Variants in PRDM16 observed in about 807,000 individuals in gnomAD.
PRDM16 encodes PR/SET domain 16.
PRDM16 carries 23 observed loss-of-function variants against 110.6 expected under a neutral mutation model. The ratio of observed to expected loss-of-function variants is 0.21; its 90% CI spans 0.15 to 0.29. The LOEUF is 0.29. Ranked by LOEUF, PRDM16 falls within the 10% of genes least tolerant of loss-of-function variation. The pLI, the probability that PRDM16 is intolerant of heterozygous loss-of-function variation, is 1.00. For synonymous variants in PRDM16, 799 were observed against 781.8 expected (o/e 1.02, Z -0.37); for missense variants, 1,615 against 1,794.3 (o/e 0.90, Z 1.81).
intron 1 of PRDM16, among the ~76,000 whole-genome samples, chr1:3,112,305 C>T (rs974518204): frequency 6.6e-6 from 1 of 152,206 alleles, no homozygotes; most frequent in Admixed American, 6.5e-5. Context: ...CCCAAATTCC[C>T]ACTTATACGA....
At chr1:3,291,142 C>A (rs575946388) in intron 3 of PRDM16, among the ~76,000 whole-genome samples, 9 of 152,020 alleles carry the variant, frequency 5.9e-5, no homozygotes, top group Admixed American at 5.2e-4. Context: ...TGAGGCAGGG[C>A]GTGGACCAGG....
At position 3,411,647 on chromosome 1, in the gene PRDM16, G is replaced by A. The variant is rs1643688173; in HGVS notation, c.1450G>A (p.Gly484Ser). The change falls in exon 9 of 17, where the codon GGC becomes AGC. Residue 484 changes from glycine to serine, a missense_variant. By Grantham distance (56) the Gly-to-Ser change is moderately conservative. Transcript: ENST00000270722. ...CCCCAGCCTCAATCACGCCAGCCTG[G>A]GCTTCAACGAGTACTTTCCCTCCAG... The part of the protein sequence containing the change: ...PSPSLNHASL[G>S]FNEYFPSRPH... 2 of 1,613,706 alleles carry A rather than the reference G, an allele frequency of 1.2e-6. No individual in the cohort carries two copies. The highest frequency in any genetic ancestry group is 8.5e-7 in the Non-Finnish European group (1 of 1,179,792).
rs527818835 is a variant in PRDM16, at chr1:3,231,079, C to T, written c.388-13008C>T. On this transcript the variant is annotated intron_variant, in intron 2 of 16. Coordinates refer to ENST00000270722, the MANE Select transcript of PRDM16 (RefSeq NM_022114.4). ...GAGCCGTGGTGTCTCTGCCGTGGGC[C>T]GGGGTCAATGTGCCTCCAATGTAAA... Among the ~76,000 whole-genome samples the T allele has an allele frequency of 2.5e-3, 387 of 152,226 alleles. 2 individuals carry two copies. Among genetic ancestry groups the T allele is most frequent in the Non-Finnish European group, 4.6e-3 (311 of 68,014 alleles).
rs144927745 is a variant in PRDM16 at position 3,384,036 on chromosome 1, C to T, written c.439-1116C>T. Among the ~76,000 whole-genome samples the T allele has an allele frequency of 2.0e-3, 297 of 151,874 alleles. 2 individuals are homozygous for T. The highest frequency in any genetic ancestry group is 6.1e-3 in the African/African-American group (253 of 41,374). ...ACCCAGATACACCTGCTCAAGGACA[C>T]GCCTGCCCACAAGGACACATATGCC... On this transcript the variant is annotated intron_variant, in intron 3 of 16. Transcript: ENST00000270722.
In PRDM16 at chr1:3,112,228, G is replaced by A. The variant is rs534835633; in HGVS notation, c.37+42932G>A. On this transcript the variant is annotated intron_variant, in intron 1 of 16. Transcript: ENST00000270722. ...ACTTAAAAGGATTAAACGGACCTCG[G>A]AGGAGCCTCGGCGTTTCACCCGTGG... Among the ~76,000 whole-genome samples the A allele has an allele frequency of 1.2e-3, 179 of 152,324 alleles. 1 individual carries two copies. The highest frequency in any genetic ancestry group is 1.9e-3 in the Non-Finnish European group (129 of 68,032).
At chr1:3,106,595 G>A (rs999234382) in intron 1 of PRDM16, among the ~76,000 whole-genome samples, 5 of 152,224 alleles carry the variant, frequency 3.3e-5, no homozygotes, top group Non-Finnish European at 2.9e-5. Flanking sequence ...TGTGGTGTGG[G>A]TGCGCTGGGT....
At chr1:3,096,322 GCGGGCCCCTTC>G (rs1490196372) in intron 1 of PRDM16, among the ~76,000 whole-genome samples, 1 of 152,030 alleles carries the variant, frequency 6.6e-6, no homozygotes, top group Non-Finnish European at 1.5e-5. Flanking sequence ...CCAGAACCCC[GCGGGCCCCTTC>G]CTCACGTCTC....
chr1:3,153,603 C>T (rs1456093776), intron 1 of PRDM16, among the ~76,000 whole-genome samples: 1 of 152,216 alleles, frequency 6.6e-6, no homozygotes, highest in Non-Finnish European at 1.5e-5. Flanking sequence ...GCAACAGTTT[C>T]TCTCGCTATG....
chr1:3,319,664 C>T (rs1304430879), intron 3 of PRDM16, among the ~76,000 whole-genome samples: 1 of 152,154 alleles, frequency 6.6e-6, no homozygotes, highest in Non-Finnish European at 1.5e-5. Context: ...TTGCTGGCTG[C>T]TTGGGGAAAT....
At chr1:3,318,403 T>A (rs935914327) in intron 3 of PRDM16, among the ~76,000 whole-genome samples, 1 of 150,128 alleles carries the variant, frequency 6.7e-6, no homozygotes, top group African/African-American at 2.4e-5. Context: ...CTGTTGTTAT[T>A]CTTATTCTTC....
At chr1:3,264,552 G>T (rs1640242108) in intron 3 of PRDM16, among the ~76,000 whole-genome samples, 1 of 150,186 alleles carries the variant, frequency 6.7e-6, no homozygotes, top group African/African-American at 2.5e-5. Context: ...AGGCAGGGGA[G>T]GGGCATGGAG....
intron 12 of PRDM16, among the ~76,000 whole-genome samples, chr1:3,423,602 T>C (rs1638503011): frequency 6.6e-6 from 1 of 152,174 alleles, no homozygotes; most frequent in South Asian, 2.1e-4. Context: ...AGTATGCTGC[T>C]CTGGAGCGGG....
At chr1:3,394,125 TG>T (rs1246099778) in intron 4 of PRDM16, among the ~76,000 whole-genome samples, 1 of 148,254 alleles carries the variant, frequency 6.7e-6, no homozygotes, top group Non-Finnish European at 1.5e-5. Flanking sequence ...GGGGAAGAGG[TG>T]GGGGAAGGGG....
chr1:3,232,617 G>A (rs964198498), intron 2 of PRDM16, among the ~76,000 whole-genome samples: 1 of 152,216 alleles, frequency 6.6e-6, no homozygotes, highest in African/African-American at 2.4e-5. Flanking sequence ...GAGGATGAGA[G>A]AAAGACTGAA....
rs552474498 is a variant in PRDM16, at chr1:3,238,729, G to A, written c.388-5358G>A. On this transcript the variant is annotated intron_variant, in intron 2 of 16. Transcript: ENST00000270722. The stretch of plus-strand genomic sequence containing the variant: ...CTTGGCCGTGGAGAGAGTCCTGGCC[G>A]GGGTTCAGGTGCAAGTCCCGGGTGG... Among the ~76,000 whole-genome samples, 28 of 152,194 alleles carry A rather than the reference G, an allele frequency of 1.8e-4. No homozygotes were observed. In the South Asian group the frequency reaches 4.8e-3, roughly 26 times the overall value.
chr1:3,338,312 A>T (rs1642203214), intron 3 of PRDM16, among the ~76,000 whole-genome samples: 2 of 152,168 alleles, frequency 1.3e-5, no homozygotes, highest in Admixed American at 1.3e-4. Context: ...CCCCGTGGGG[A>T]ACAGATGTTC....
At chr1:3,413,540 AC>A (rs148003174) in intron 9 of PRDM16, among the ~76,000 whole-genome samples, 9,557 of 151,988 alleles carry the variant, frequency 0.063, 338 homozygotes, top group Middle Eastern at 0.11. Flanking sequence ...AGGGGGTCCT[AC>A]CCCCACCAGC....
rs115130038 is a variant in PRDM16 at position 3,092,644 on chromosome 1, G to A, written c.37+23348G>A. On this transcript the variant is annotated intron_variant, in intron 1 of 16. Coordinates refer to ENST00000270722, the MANE Select transcript of PRDM16 (RefSeq NM_022114.4). ...CAGGCATCCTCAGGGCTCTGTGGAG[G>A]GGTCTGCACAACTTCGTGCTGGATG... Among the ~76,000 whole-genome samples, 1,490 of 152,324 alleles carry A rather than the reference G, an allele frequency of 9.8e-3. 26 individuals carry two copies. The highest frequency in any genetic ancestry group is 0.034 in the African/African-American group (1,427 of 41,560).
At chr1:3,313,616 G>T (rs997751648) in intron 3 of PRDM16, among the ~76,000 whole-genome samples, 2 of 152,196 alleles carry the variant, frequency 1.3e-5, no homozygotes, top group African/African-American at 4.8e-5. Flanking sequence ...CCTCACCTGC[G>T]CCTGCGAGGC....
Sources: gnomAD v4.1 joint callset for allele counts (sites outside exome capture counted in the v4.1 genomes callset) on GRCh38, gnomAD v4.1.1 for gene constraint, MANE v1.5 for transcripts, NCBI Gene and HGNC (gene_info 2026-07-23, HGNC 2026-07-21) for gene names.